Variants in METRNL observed in about 807,000 individuals in gnomAD.
METRNL encodes the protein meteorin-like protein.
Under a neutral mutation model 17.4 loss-of-function variants are expected in METRNL, and 9 were observed. That is an observed-to-expected ratio of 0.52 (90% CI 0.31 to 0.90). The LOEUF is 0.90. METRNL is among the 40% of genes least tolerant of loss of function. METRNL has a pLI of 0.05. For synonymous variants in METRNL, 215 were observed against 199.3 expected, an observed-to-expected ratio of 1.08 and a Z score of -0.66; for missense variants, 408 against 430.7, an observed-to-expected ratio of 0.95 and a Z score of 0.47.
At position 83,085,339 on chromosome 17, in the gene METRNL, G is replaced by C; in HGVS notation, c.556+16G>C. 6.6e-7 allele frequency: 1 copy of C among 1,512,618 alleles called. No homozygotes were observed. Among genetic ancestry groups the C allele is most frequent in the Non-Finnish European group, 8.8e-7 (1 of 1,131,448 alleles). The allele number at this position is 1,512,618 out of a possible 1,614,324, so 93.7% of individuals were successfully genotyped here. A position where few individuals can be genotyped will look rare whatever the true frequency, so the allele number is the denominator to read the frequency against. The stretch of plus-strand genomic sequence containing the variant: ...GAGCTGTCTGGTGAGTGTCCTGCCT[G>C]GGGCGGGGGCGGCGGGCCTCGTCAT... On this transcript the variant is annotated intron_variant, in intron 2 of 3. Coordinates refer to ENST00000320095, the MANE Select transcript of METRNL (RefSeq NM_001004431.3).
chr17:83,091,149 G>GC lies in METRNL; in HGVS notation c.557-2011dup, dbSNP rs963333121. ...GGAGGGTTGCTGGGATGGCAGAGGT[G>GC]CCCCCCCAGTGCCAGGCTGGACCGG... On this transcript the variant is annotated intron_variant, in intron 2 of 3. Transcript: ENST00000320095. 2.6e-5 allele frequency among the ~76,000 whole-genome samples: 4 copies of GC among 152,156 alleles called. No individual in the cohort carries two copies. The South Asian group carries it at 8.3e-4, about 32-fold the overall frequency.
chr17:83,082,936 C>T (rs1288579445), intron 1 of METRNL, among the ~76,000 whole-genome samples: 1 of 152,194 alleles, frequency 6.6e-6, no homozygotes, highest in African/African-American at 2.4e-5. Flanking sequence ...CTGGATGTTT[C>T]GGGAGAATGT....
intron 2 of METRNL, among the ~76,000 whole-genome samples, chr17:83,089,080 T>TAG (rs2075848010): frequency 2.3e-5 from 1 of 43,992 alleles, no homozygotes; most frequent in Non-Finnish European, 4.7e-5. Context: ...GGGCAGGGGC[T>TAG]ATGGGGCCAA....
intron 1 of METRNL, 63 bp downstream of exon 1, chr17:83,080,048 C>A (rs891075546): frequency 6.0e-5 from 58 of 972,480 alleles, no homozygotes; most frequent in Non-Finnish European, 7.0e-5. Flanking sequence ...CCGTCCCGGG[C>A]CGGCCGAGCG....
chr17:83,082,054 G>A, intron 1 of METRNL: 1 of 985,032 alleles, frequency 1.0e-6, no homozygotes. Flanking sequence ...CTCTGTTGCT[G>A]GGTGTTTCTT....
intron 2 of METRNL, among the ~76,000 whole-genome samples, chr17:83,085,809 C>A (rs745706683): frequency 7.9e-5 from 12 of 152,192 alleles, no homozygotes; most frequent in Non-Finnish European, 1.8e-4. Context: ...TTTTGCCATT[C>A]AAACTGCCCT....
rs376914819 is a variant in METRNL at position 83,094,675 on chromosome 17, C to T, written c.*100C>T. 27 of 1,025,404 alleles carry T rather than the reference C, an allele frequency of 2.6e-5. No homozygotes were observed. The highest frequency in any genetic ancestry group is 6.4e-5 in the East Asian group (2 of 31,400). 63.5% of individuals were successfully genotyped at this position (1,025,404 alleles called of 1,614,324 possible). On this transcript the variant is annotated 3_prime_UTR_variant, in exon 4 of 4. Transcript: ENST00000320095. Reference sequence around the variant, plus strand: ...GCGGTGAGGGCCGCGCGCTGGGAGCCGCATGCCCTGGGCCCAGGCCTGACC... The same window carrying T: ...GCGGTGAGGGCCGCGCGCTGGGAGCTGCATGCCCTGGGCCCAGGCCTGACC...
intron 1 of METRNL, among the ~76,000 whole-genome samples, chr17:83,081,183 T>TGG (rs543951733): frequency 1.1e-4 from 16 of 151,162 alleles, no homozygotes; most frequent in Middle Eastern, 6.9e-3. Flanking sequence ...GATGGAGGTC[T>TGG]GGGGGGGGTC....
rs531829981 is a variant in METRNL, at chr17:83,090,900, G to T, written c.557-2267G>T. On this transcript the variant is annotated intron_variant, in intron 2 of 3. Coordinates refer to ENST00000320095, the MANE Select transcript of METRNL (RefSeq NM_001004431.3). ...TGCTGCTGGCCTCTGTCCAGCACGTGCCTGCATCAGGCCCAGCATGGTCTG... is the reference window on the plus strand; with the variant it reads ...TGCTGCTGGCCTCTGTCCAGCACGTTCCTGCATCAGGCCCAGCATGGTCTG... Among the ~76,000 whole-genome samples, 6 of 152,242 alleles carry T rather than the reference G, an allele frequency of 3.9e-5. No individual in the cohort carries two copies. In the South Asian group the frequency reaches 1.0e-3, roughly 26 times the overall value.
chr17:83,083,356 C>T (rs926092696), intron 1 of METRNL, among the ~76,000 whole-genome samples: 4 of 152,162 alleles, frequency 2.6e-5, no homozygotes, highest in East Asian at 3.8e-4. Context: ...GGTCGAGGCT[C>T]GGTGCCTGAG....
chr17:83,090,170 A>ACACCCCC (rs1407717128), intron 2 of METRNL, among the ~76,000 whole-genome samples: 1 of 45,598 alleles, frequency 2.2e-5, no homozygotes, highest in Non-Finnish European at 4.1e-5. Flanking sequence ...GGAGCCACAC[A>ACACCCCC]CCCCTGCCCC....
At chr17:83,084,868 C>G (rs529937163) in intron 1 of METRNL, 70 bp from the exon 2 acceptor site, 3 of 1,537,890 alleles carry the variant, frequency 2.0e-6, no homozygotes, top group Admixed American at 3.7e-5. Flanking sequence ...TCCTCACTGA[C>G]TCTCTGTGGG....
chr17:83,089,300 G>A (rs1266026716), intron 2 of METRNL, among the ~76,000 whole-genome samples: 2 of 151,930 alleles, frequency 1.3e-5, no homozygotes, highest in South Asian at 2.1e-4. Flanking sequence ...AAAGCAGCGT[G>A]TCCCCCCGCT....
chr17:83,079,769 C>A lies in METRNL; in HGVS notation c.-47C>A. 1.1e-6 allele frequency: 1 copy of A among 938,998 alleles called. No homozygotes were observed. The highest frequency in any genetic ancestry group is 4.9e-5 in the South Asian group (1 of 20,342). The allele number at this position is 938,998 out of a possible 1,614,324, so 58.2% of individuals were successfully genotyped here. A position where few individuals can be genotyped will look rare whatever the true frequency, so the allele number is the denominator to read the frequency against. On this transcript the variant is annotated 5_prime_UTR_variant, in exon 1 of 4. Transcript: ENST00000320095. Reference sequence around the variant, plus strand: ...CGGCTCGCCGGCTCCGGGGTCTGCTCCGGGGGTCGCGGACGCGGGGCCGGG... The same window carrying A: ...CGGCTCGCCGGCTCCGGGGTCTGCTACGGGGGTCGCGGACGCGGGGCCGGG...
chr17:83,080,682 G>T (rs1267058598), intron 1 of METRNL, among the ~76,000 whole-genome samples: 8 of 135,434 alleles, frequency 5.9e-5, no homozygotes, highest in African/African-American at 8.4e-5. Flanking sequence ...GGGAGCCGCC[G>T]CCGCTCCCAC....
chr17:83,079,726 GCCCGC>G lies in METRNL; in HGVS notation c.-81_-77del. 2 of 531,056 alleles carry G rather than the reference GCCCGC, an allele frequency of 3.8e-6. No individual in the cohort carries two copies. Among genetic ancestry groups the G allele is most frequent in the Non-Finnish European group, 4.8e-6 (2 of 419,770 alleles). The allele number at this position is 531,056 out of a possible 1,614,324, so 32.9% of individuals were successfully genotyped here. ...CGCGACGTGACCACCCGGACTCGAA[GCCCGC>G]CCCGCCCCCGCCCGGCTCGCCGGCT... On this transcript the variant is annotated 5_prime_UTR_variant, in exon 1 of 4. Coordinates refer to ENST00000320095, the MANE Select transcript of METRNL (RefSeq NM_001004431.3).
chr17:83,089,104 C>T (rs1400823563), intron 2 of METRNL, among the ~76,000 whole-genome samples: 1 of 152,130 alleles, frequency 6.6e-6, no homozygotes, highest in Non-Finnish European at 1.5e-5. Flanking sequence ...CCCCGGGGCA[C>T]CCCAGCAATG....
At chr17:83,086,429 G>A (rs72854245) in intron 2 of METRNL, among the ~76,000 whole-genome samples, 7,022 of 152,252 alleles carry the variant, frequency 0.046, 207 homozygotes, top group East Asian at 0.13. Flanking sequence ...TTGGTTGCAC[G>A]CTGGATAAAA....
intron 2 of METRNL, among the ~76,000 whole-genome samples, chr17:83,091,060 G>C (rs2038129405): frequency 6.6e-6 from 1 of 152,142 alleles, no homozygotes; most frequent in Non-Finnish European, 1.5e-5. Flanking sequence ...CCCCCGTGGT[G>C]GGGGCTGCAG....
Sources: gnomAD v4.1 joint callset for allele counts (sites outside exome capture counted in the v4.1 genomes callset) on GRCh38, gnomAD v4.1.1 for gene constraint, MANE v1.5 for transcripts, NCBI Gene and HGNC (gene_info 2026-07-23, HGNC 2026-07-21) for gene names.